The following SNTG1 variants were observed in gnomAD, a reference collection of about 807,000 sequenced individuals.
SNTG1 encodes the protein syntrophin gamma 1, also known as gamma-1-syntrophin.
A neutral mutation model predicts 74.7 loss-of-function variants in SNTG1; 39 were observed. The observed-to-expected ratio is 0.52, with a 90% confidence interval of 0.40 to 0.68. The LOEUF (loss-of-function observed/expected upper bound fraction) is 0.68. Ranked by LOEUF, SNTG1 falls within the 30% of genes least tolerant of loss-of-function variation. The probability of loss-of-function intolerance (pLI) is 0.00; values close to 1 mark genes in which losing one functional copy is unlikely to be tolerated. For synonymous variants in SNTG1, 254 were observed against 217.1 expected (o/e 1.17, Z -1.49); for missense variants, 685 against 609.5 (o/e 1.12, Z -1.30).
chr8:50,364,222 C>T (rs891583938), intron 2 of SNTG1, among the ~76,000 whole-genome samples: 8 of 152,198 alleles, frequency 5.3e-5, no homozygotes, highest in Admixed American at 3.9e-4. Flanking sequence ...TGGCAAGCCA[C>T]ACCCGCTGCT....
At chr8:50,183,351 C>G (rs1012800702) in intron 2 of SNTG1, among the ~76,000 whole-genome samples, 1 of 152,156 alleles carries the variant, frequency 6.6e-6, no homozygotes, top group African/African-American at 2.4e-5. Context: ...GTGCATTTGT[C>G]TGCAGGTGCC....
chr8:50,334,456 CCTGTT>C (rs1449110326), intron 2 of SNTG1, among the ~76,000 whole-genome samples: 1 of 151,790 alleles, frequency 6.6e-6, no homozygotes, highest in East Asian at 1.9e-4. Context: ...CTGTAATTGT[CCTGTT>C]CTGCATTGTT....
intron 12 of SNTG1, among the ~76,000 whole-genome samples, chr8:50,587,203 C>G (rs1051187600): frequency 1.3e-5 from 2 of 151,404 alleles, no homozygotes; most frequent in Non-Finnish European, 2.9e-5. Flanking sequence ...TGCATACATA[C>G]ATATATGTAT....
intron 1 of SNTG1, among the ~76,000 whole-genome samples, chr8:49,973,174 C>G (rs1811865059): frequency 6.6e-6 from 1 of 152,126 alleles, no homozygotes; most frequent in South Asian, 2.1e-4. Flanking sequence ...CCATGGAATA[C>G]TATGCAGCCA....
At chr8:50,557,665 A>T (rs1401834501) in intron 12 of SNTG1, among the ~76,000 whole-genome samples, 4 of 152,118 alleles carry the variant, frequency 2.6e-5, no homozygotes, top group Non-Finnish European at 4.4e-5. Flanking sequence ...CCCAGGGCCC[A>T]CTCAGGTATT....
In SNTG1 at chr8:50,051,825, T is replaced by C. The variant is rs966966733; in HGVS notation, c.-102-120736T>C. On this transcript the variant is annotated intron_variant, in intron 1 of 18. Coordinates refer to ENST00000642720, the MANE Select transcript of SNTG1 (RefSeq NM_018967.5). Reference sequence around the variant, plus strand: ...GTTCACATTCAGAAGTACTAGAGATTAGGACTTCAACCTACTTTTTTGGGG... The same window carrying C: ...GTTCACATTCAGAAGTACTAGAGATCAGGACTTCAACCTACTTTTTTGGGG... Among the ~76,000 whole-genome samples, 4 of 152,092 alleles carry C rather than the reference T, an allele frequency of 2.6e-5. No individual in the cohort carries two copies. In the East Asian group the frequency reaches 7.7e-4, roughly 29 times the overall value.
chr8:50,097,103 G>C (rs978104656), intron 1 of SNTG1, among the ~76,000 whole-genome samples: 17 of 151,960 alleles, frequency 1.1e-4, no homozygotes, highest in African/African-American at 4.1e-4. Flanking sequence ...CCAAGTAGCT[G>C]GGACTACAGG....
chr8:50,059,854 T>C (rs1047400076), intron 1 of SNTG1, among the ~76,000 whole-genome samples: 1 of 152,130 alleles, frequency 6.6e-6, no homozygotes, highest in Non-Finnish European at 1.5e-5. Flanking sequence ...CTTAAGTATA[T>C]ACCTAGAAGT....
chr8:50,344,889 A>C (rs1029255649), intron 2 of SNTG1, among the ~76,000 whole-genome samples: 2 of 152,188 alleles, frequency 1.3e-5, no homozygotes, highest in Admixed American at 6.5e-5. Flanking sequence ...AGATTAAATG[A>C]GGTTCTTAAA....
intron 15 of SNTG1, among the ~76,000 whole-genome samples, chr8:50,662,615 C>CAGTG (rs2095230052): frequency 6.6e-6 from 1 of 152,180 alleles, no homozygotes; most frequent in Admixed American, 6.5e-5. Context: ...GCACATGATA[C>CAGTG]TACACTGTCT....
At chr8:49,942,531 CT>C (rs1227230752) in intron 1 of SNTG1, among the ~76,000 whole-genome samples, 1 of 151,994 alleles carries the variant, frequency 6.6e-6, no homozygotes, top group Admixed American at 6.5e-5. Context: ...ATCTGCTGTT[CT>C]TTTTTCTGCT....
At chr8:50,565,132 T>C (rs2094509091) in intron 12 of SNTG1, among the ~76,000 whole-genome samples, 2 of 152,048 alleles carry the variant, frequency 1.3e-5, no homozygotes, top group Non-Finnish European at 2.9e-5. Flanking sequence ...CTGATGAACA[T>C]TCTACAAAAT....
At chr8:50,503,492 G>A (rs2093981289) in intron 9 of SNTG1, among the ~76,000 whole-genome samples, 1 of 152,122 alleles carries the variant, frequency 6.6e-6, no homozygotes, top group South Asian at 2.1e-4. Flanking sequence ...GCACACATTT[G>A]CTTAATCCAC....
intron 2 of SNTG1, among the ~76,000 whole-genome samples, chr8:50,336,647 A>G (rs191264925): frequency 6.6e-6 from 1 of 152,358 alleles, no homozygotes; most frequent in East Asian, 1.9e-4. Context: ...GAAGTTCCTT[A>G]CATATGGTAA....
intron 8 of SNTG1, among the ~76,000 whole-genome samples, chr8:50,454,278 C>CTT (rs1180892816): frequency 2.0e-5 from 3 of 151,286 alleles, no homozygotes; most frequent in African/African-American, 7.3e-5. Context: ...GGGCAGATCA[C>CTT]GAGGTCAGGA....
intron 2 of SNTG1, among the ~76,000 whole-genome samples, chr8:50,214,132 A>G (rs2084657581): frequency 6.6e-6 from 1 of 151,708 alleles, no homozygotes; most frequent in African/African-American, 2.4e-5. Flanking sequence ...ATTGGAAATC[A>G]TCATTCTCAG....
chr8:50,774,007 G>A (rs1432755387), intron 18 of SNTG1, among the ~76,000 whole-genome samples: 1 of 151,966 alleles, frequency 6.6e-6, no homozygotes, highest in East Asian at 1.9e-4. Context: ...AGTTTATGAA[G>A]AAAGATTAAG....
chr8:50,450,412 T>A, intron 6 of SNTG1, 144 bp from the exon 7 acceptor site: 1 of 800,904 alleles, frequency 1.2e-6, no homozygotes, highest in Non-Finnish European at 1.9e-6. Flanking sequence ...CGAATTTCCA[T>A]TTTTTGTGGA....
intron 18 of SNTG1, among the ~76,000 whole-genome samples, chr8:50,782,329 C>A (rs1385839792): frequency 6.6e-6 from 1 of 152,246 alleles, no homozygotes; most frequent in African/African-American, 2.4e-5. Context: ...CTCCCCGTCA[C>A]TTTCAGGTAC....
Sources: allele counts gnomAD v4.1 joint callset (sites outside exome capture counted in the v4.1 genomes callset), GRCh38; gene constraint gnomAD v4.1.1; transcripts MANE v1.5; gene names NCBI Gene and HGNC (gene_info 2026-07-23, HGNC 2026-07-21).